PCSK2: variants seen among roughly 807,000 people sequenced by gnomAD.
PCSK2 encodes the protein proprotein convertase subtilisin/kexin type 2, also known as neuroendocrine convertase 2.
A neutral mutation model predicts 69.7 loss-of-function variants in PCSK2; 14 were observed. That is an observed-to-expected ratio of 0.20 (90% CI 0.13 to 0.31). The LOEUF is 0.31. PCSK2 is among the 10% of genes least tolerant of loss of function. The pLI is 1.00. For synonymous variants in PCSK2, 307 were observed against 320.7 expected, an observed-to-expected ratio of 0.96 and a Z score of 0.46; for missense variants, 544 against 842.5, an observed-to-expected ratio of 0.65 and a Z score of 4.39.
At chr20:17,360,478 G>T (rs1233867814) in intron 3 of PCSK2, 54 bp from the exon 4 acceptor site, 2 of 1,049,654 alleles carry the variant, frequency 1.9e-6, no homozygotes, top group African/African-American at 1.6e-5. Flanking sequence ...ATGTACATGG[G>T]TGCTTTACAA....
chr20:17,461,226 T>C (rs1169378057), intron 10 of PCSK2, among the ~76,000 whole-genome samples: 1 of 152,148 alleles, frequency 6.6e-6, no homozygotes, highest in Non-Finnish European at 1.5e-5. Flanking sequence ...GAATTTCCTC[T>C]CACGTCCTTA....
At chr20:17,251,331 C>A (rs1217800203) in intron 1 of PCSK2, among the ~76,000 whole-genome samples, 2 of 152,078 alleles carry the variant, frequency 1.3e-5, no homozygotes, top group African/African-American at 4.8e-5. Flanking sequence ...AACCATTGAG[C>A]CTGGAATTAT....
chr20:17,347,540 C>T (rs1472262768), intron 2 of PCSK2, among the ~76,000 whole-genome samples: 7 of 152,068 alleles, frequency 4.6e-5, no homozygotes, highest in South Asian at 2.1e-4. Flanking sequence ...GATAACACAC[C>T]GCATTGCAAA....
chr20:17,339,555 A>G (rs766083176), intron 2 of PCSK2, among the ~76,000 whole-genome samples: 10 of 152,002 alleles, frequency 6.6e-5, no homozygotes, highest in Non-Finnish European at 1.0e-4. Flanking sequence ...TGTCTCTATC[A>G]CTGCAATTTA....
chr20:17,357,858 C>A (rs1328980293), intron 2 of PCSK2, among the ~76,000 whole-genome samples: 3 of 151,768 alleles, frequency 2.0e-5, no homozygotes, highest in Non-Finnish European at 4.4e-5. Context: ...CATGCCATTG[C>A]CCTCCGGCCT....
intron 2 of PCSK2, among the ~76,000 whole-genome samples, chr20:17,323,220 C>T (rs1281117084): frequency 6.6e-6 from 1 of 152,178 alleles, no homozygotes; most frequent in Non-Finnish European, 1.5e-5. Context: ...CACATGAATT[C>T]TGAGGGACAT....
At chr20:17,288,216 C>T (rs2051706018) in intron 2 of PCSK2, among the ~76,000 whole-genome samples, 1 of 152,178 alleles carries the variant, frequency 6.6e-6, no homozygotes, top group Non-Finnish European at 1.5e-5. Flanking sequence ...ATGCAGCTTC[C>T]ATCTAACCTC....
Position 17,456,898 on chromosome 20 carries a change from A to C in PCSK2, c.1202+450A>C, listed in dbSNP as rs554451611. ...AAGTGGTCCCACTCAAGATTTGTTA[A>C]TTTGTGAAGTGGATTCACTTTTTAA... On this transcript the variant is annotated intron_variant, in intron 10 of 11. Coordinates refer to ENST00000262545, the MANE Select transcript of PCSK2 (RefSeq NM_002594.5). Among the ~76,000 whole-genome samples, 6 of 152,340 alleles carry C rather than the reference A, an allele frequency of 3.9e-5. No individual in the cohort carries two copies. The East Asian group carries it at 1.2e-3, about 29-fold the overall frequency.
At chr20:17,393,653 C>T (rs2123276354) in intron 5 of PCSK2, among the ~76,000 whole-genome samples, 1 of 152,154 alleles carries the variant, frequency 6.6e-6, no homozygotes, top group South Asian at 2.1e-4. Flanking sequence ...CTGTTCAAAG[C>T]ACACCTAATG....
intron 5 of PCSK2, among the ~76,000 whole-genome samples, chr20:17,396,865 C>A (rs1402422428): frequency 6.6e-6 from 1 of 152,110 alleles, no homozygotes; most frequent in Non-Finnish European, 1.5e-5. Context: ...CCATGGGGGG[C>A]ATAGAGAGAC....
intron 5 of PCSK2, among the ~76,000 whole-genome samples, chr20:17,404,687 T>A (rs1945491649): frequency 6.6e-6 from 1 of 152,208 alleles, no homozygotes; most frequent in Non-Finnish European, 1.5e-5. Flanking sequence ...GGGGCACGTA[T>A]GTCTCAGAGC....
chr20:17,430,153 C>A (rs895621656), intron 7 of PCSK2, among the ~76,000 whole-genome samples: 7 of 151,930 alleles, frequency 4.6e-5, no homozygotes, highest in Non-Finnish European at 1.0e-4. Flanking sequence ...ATTGATGGAG[C>A]CTTTAGAAAT....
chr20:17,227,622 A>G, intron 1 of PCSK2, 140 bp downstream of exon 1: 1 of 636,590 alleles, frequency 1.6e-6, no homozygotes, highest in Non-Finnish European at 2.8e-6. Flanking sequence ...CTTTAACACG[A>G]TATTGCCTCC....
At position 17,409,177 on chromosome 20, in the gene PCSK2, A is replaced by G. The variant is rs895423358; in HGVS notation, c.544-86A>G. On this transcript the variant is annotated intron_variant, in intron 5 of 11. Transcript: ENST00000262545. ...ACACTAATCCAGCACTCCAGGGAGG[A>G]CTAGAAATGTTTAAAGTCTCCCAGC... 3.0e-5 allele frequency: 29 copies of G among 970,418 alleles called. No homozygotes were observed. In the African/African-American group the frequency reaches 4.6e-4, roughly 15 times the overall value. 60.1% of individuals were successfully genotyped at this position (970,418 alleles called of 1,614,324 possible). A position where few individuals can be genotyped will look rare whatever the true frequency, so the allele number is the denominator to read the frequency against.
rs1395373344 is a variant in PCSK2 at position 17,268,060 on chromosome 20, T to TATATATATATATAAAA, written c.282+7719_282+7720insTATATATATAAAAATA. Among the ~76,000 whole-genome samples, 51 of 146,212 alleles carry TATATATATATATAAAA rather than the reference T, an allele frequency of 3.5e-4. 1 individual carries two copies. Among genetic ancestry groups the TATATATATATATAAAA allele is most frequent in the African/African-American group, 1.3e-3 (50 of 39,542 alleles). ...ATATATATATATATATATATATATA[T>TATATATATATATAAAA]ATAATGCATTTATATAGCCTCTATT... On this transcript the variant is annotated intron_variant, in intron 2 of 11. Coordinates refer to ENST00000262545, the MANE Select transcript of PCSK2 (RefSeq NM_002594.5).
rs1223772850 is a variant in PCSK2 at position 17,482,351 on chromosome 20, A to AAAAAC, written c.*285_*286insCAAAA. The AAAAAC allele has an allele frequency of 5.0e-6, 1 of 200,128 alleles. No homozygotes were observed. The highest frequency in any genetic ancestry group is 2.3e-5 in the African/African-American group (1 of 43,036). The allele number at this position is 200,128 out of a possible 1,614,324, so 12.4% of individuals were successfully genotyped here. On this transcript the variant is annotated 3_prime_UTR_variant, in exon 12 of 12. Transcript: ENST00000262545. ...AAATGGGTGATATCCTGAAAAAAAA[A>AAAAAC]AAAAAAAAAAAACTGGGACAGCTTT... is the stretch of plus-strand genomic sequence containing the variant.
At chr20:17,268,098 A>C (rs1177011018) in intron 2 of PCSK2, among the ~76,000 whole-genome samples, 2 of 143,496 alleles carry the variant, frequency 1.4e-5, no homozygotes, top group Admixed American at 7.2e-5. Context: ...ATCTTCTAAA[A>C]ATGATTATAT....
At chr20:17,468,684 A>G (rs1265250684) in intron 11 of PCSK2, among the ~76,000 whole-genome samples, 1 of 148,038 alleles carries the variant, frequency 6.8e-6, no homozygotes, top group East Asian at 2.0e-4. Flanking sequence ...CCTCCTGTAG[A>G]CGGGCAGCCC....
chr20:17,253,478 G>A (rs182861840), intron 1 of PCSK2, among the ~76,000 whole-genome samples: 4 of 152,228 alleles, frequency 2.6e-5, no homozygotes, highest in Admixed American at 2.6e-4. Flanking sequence ...CTTGCTGTCA[G>A]GCTTCTTTAA....
Sources: allele counts gnomAD v4.1 joint callset (sites outside exome capture counted in the v4.1 genomes callset), GRCh38; gene constraint gnomAD v4.1.1; transcripts MANE v1.5; gene names NCBI Gene and HGNC (gene_info 2026-07-23, HGNC 2026-07-21).